Variants in ROBO1 observed in about 807,000 individuals in gnomAD.
ROBO1 encodes roundabout homolog 1.
ROBO1 carries 149 observed loss-of-function variants against 195.9 expected under a neutral mutation model. That is an observed-to-expected ratio of 0.76 (90% confidence interval 0.67 to 0.87). The LOEUF (loss-of-function observed/expected upper bound fraction) is 0.87. Ranked by LOEUF, ROBO1 falls within the 40% of genes least tolerant of loss-of-function variation. The pLI is 0.00. For synonymous variants in ROBO1, 816 were observed against 733.2 expected, an observed-to-expected ratio of 1.11 and a Z score of -1.82; for missense variants, 1,933 against 2,068.3, an observed-to-expected ratio of 0.93 and a Z score of 1.27.
At chr3:79,374,732 C>T (rs1012700491) in intron 2 of ROBO1, among the ~76,000 whole-genome samples, 24 of 152,094 alleles carry the variant, frequency 1.6e-4, no homozygotes, top group African/African-American at 5.8e-4. Flanking sequence ...TGTAGAAATG[C>T]TGCATTTCAA....
intron 4 of ROBO1, among the ~76,000 whole-genome samples, chr3:78,807,278 G>A (rs1025024803): frequency 1.3e-5 from 2 of 152,060 alleles, no homozygotes; most frequent in African/African-American, 4.8e-5. Flanking sequence ...CTTTAACAAA[G>A]ATTTTAAAGT....
At position 78,651,786 on chromosome 3, in the gene ROBO1, G is replaced by A. The variant is rs1706676495; in HGVS notation, c.2758C>T (p.Arg920Ter). Residue 920 changes from arginine (R) to a stop codon, truncating the protein, a stop_gained, in exon 19 of 31, where the codon CGA becomes TGA. Transcript: ENST00000464233. LOFTEE classifies it high-confidence loss of function. ...AGTCCGTTTCTCTTCTTGCGGTGTC[G>A]ATAAAGCCAGATGCTGAAGACCATG... ...ILMVFSIWLY[R>*]HRKKRNGLTS... 4.3e-6 allele frequency: 7 copies of A among 1,613,390 alleles called. No homozygotes were observed. Among genetic ancestry groups the A allele is most frequent in the African/African-American group, 1.3e-5 (1 of 74,840 alleles).
intron 2 of ROBO1, among the ~76,000 whole-genome samples, chr3:79,219,281 C>T (rs1455826): frequency 1 from 151,837 of 152,078 alleles, 75,798 homozygotes; most frequent in Non-Finnish European, 1. Context: ...AAATATTACA[C>T]GAAGCTGACA....
At chr3:79,290,433 T>G (rs944234161) in intron 2 of ROBO1, among the ~76,000 whole-genome samples, 5 of 152,104 alleles carry the variant, frequency 3.3e-5, no homozygotes, top group Non-Finnish European at 5.9e-5. Context: ...AGTCCCTCTC[T>G]TTCATTTAAT....
At chr3:79,381,987 A>G (rs1204804256) in intron 2 of ROBO1, among the ~76,000 whole-genome samples, 2 of 152,052 alleles carry the variant, frequency 1.3e-5, no homozygotes, top group Non-Finnish European at 2.9e-5. Flanking sequence ...TCCATCTCGT[A>G]TATTTACTTA....
At chr3:79,068,351 T>A (rs963832425) in intron 3 of ROBO1, among the ~76,000 whole-genome samples, 1 of 151,914 alleles carries the variant, frequency 6.6e-6, no homozygotes, top group Non-Finnish European at 1.5e-5. Flanking sequence ...TTTTTACCCG[T>A]GTTCCTCCTA....
At chr3:78,746,135 G>A (rs988894425) in intron 5 of ROBO1, among the ~76,000 whole-genome samples, 1 of 152,162 alleles carries the variant, frequency 6.6e-6, no homozygotes, top group African/African-American at 2.4e-5. Context: ...AATCACGGCT[G>A]TCAAGAAGAA....
At chr3:78,711,440 T>TTCCTTCCTTCCTTCC (rs2081737355) in intron 8 of ROBO1, among the ~76,000 whole-genome samples, 13 of 41,644 alleles carry the variant, frequency 3.1e-4, no homozygotes, top group Admixed American at 9.6e-4. Flanking sequence ...TCTTTCTTTC[T>TTCCTTCCTTCCTTCC]TTCCTTCCTT....
intron 3 of ROBO1, chr3:79,019,360 T>C (rs2078046582): frequency 1.0e-6 from 1 of 985,706 alleles, no homozygotes; most frequent in Non-Finnish European, 1.2e-6. Flanking sequence ...AGGATGCTGC[T>C]GCGGGTGGGA....
intron 14 of ROBO1, among the ~76,000 whole-genome samples, chr3:78,662,988 G>T (rs888179053): frequency 4.6e-5 from 7 of 152,000 alleles, no homozygotes; most frequent in African/African-American, 7.2e-5. Context: ...TAGTAACAGG[G>T]AATACATGGG....
intron 3 of ROBO1, among the ~76,000 whole-genome samples, chr3:79,088,229 A>T (rs963020614): frequency 6.6e-6 from 1 of 152,130 alleles, no homozygotes; most frequent in Non-Finnish European, 1.5e-5. Context: ...TTCTAAATTG[A>T]TTTAGAATTA....
At chr3:79,639,537 G>T (rs779139313) in intron 1 of ROBO1, among the ~76,000 whole-genome samples, 3 of 152,044 alleles carry the variant, frequency 2.0e-5, no homozygotes, top group Non-Finnish European at 4.4e-5. Context: ...TCTTTAATTT[G>T]CACTACCAGG....
Position 78,659,661 on chromosome 3 carries a change from A to G in ROBO1, c.2442+25T>C, listed in dbSNP as rs188386475. 3,046 of 1,150,902 alleles carry G rather than the reference A, an allele frequency of 2.6e-3. 57 individuals are homozygous for G. The African/African-American group carries it at 0.055, about 21-fold the overall frequency. The allele number at this position is 1,150,902 out of a possible 1,614,324, so 71.3% of individuals were successfully genotyped here. ...GTGGGGGCTGCCCATCAGGACATTA[A>G]TATATATATATATTATACTCATACC... On this transcript the variant is annotated intron_variant, in intron 17 of 30. Coordinates refer to ENST00000464233, the MANE Select transcript of ROBO1 (RefSeq NM_002941.4).
At chr3:79,208,208 C>T (rs1328116644) in intron 2 of ROBO1, among the ~76,000 whole-genome samples, 3 of 152,278 alleles carry the variant, frequency 2.0e-5, no homozygotes, top group Middle Eastern at 3.4e-3. Context: ...GACTAGGTTA[C>T]GTGTCCTCCC....
chr3:79,762,374 A>G (rs1296122565), intron 1 of ROBO1, among the ~76,000 whole-genome samples: 1 of 152,112 alleles, frequency 6.6e-6, no homozygotes, highest in Non-Finnish European at 1.5e-5. Context: ...TAATTTCAGC[A>G]TATGAATTTG....
intron 3 of ROBO1, among the ~76,000 whole-genome samples, chr3:79,083,186 AC>A (rs1290306258): frequency 6.6e-6 from 1 of 152,090 alleles, no homozygotes. Flanking sequence ...ACAGAGTGAG[AC>A]TCTGTCTCAA....
chr3:79,355,762 G>A (rs1197818445), intron 2 of ROBO1, among the ~76,000 whole-genome samples: 1 of 152,064 alleles, frequency 6.6e-6, no homozygotes, highest in East Asian at 1.9e-4. Context: ...TGACTGAATA[G>A]TGTTCCATTA....
chr3:79,517,690 A>G (rs1222044704), intron 2 of ROBO1, among the ~76,000 whole-genome samples: 2 of 152,150 alleles, frequency 1.3e-5, no homozygotes, highest in Non-Finnish European at 2.9e-5. Context: ...GAGACTGAAA[A>G]TATTCTTTTA....
intron 2 of ROBO1, among the ~76,000 whole-genome samples, chr3:79,406,271 A>C (rs2037544698): frequency 6.6e-6 from 1 of 151,726 alleles, no homozygotes; most frequent in Admixed American, 6.6e-5. Context: ...AATCTCTAAA[A>C]AAAAAAGTTA....
Sources: gnomAD v4.1 joint callset for allele counts (sites outside exome capture counted in the v4.1 genomes callset) on GRCh38, gnomAD v4.1.1 for gene constraint, MANE v1.5 for transcripts, NCBI Gene and HGNC (gene_info 2026-07-23, HGNC 2026-07-21) for gene names.